The following TGFBR3 variants were observed in gnomAD, a reference collection of about 807,000 sequenced individuals.
TGFBR3 encodes the protein transforming growth factor beta receptor type 3.
A neutral mutation model predicts 87.9 loss-of-function variants in TGFBR3; 46 were observed. The observed-to-expected ratio is 0.52, with a 90% confidence interval of 0.41 to 0.67. The LOEUF is 0.67. TGFBR3 is among the 30% of genes least tolerant of loss of function. The pLI is 0.00. For synonymous variants in TGFBR3, 381 were observed against 391.6 expected (o/e 0.97, Z 0.32); for missense variants, 866 against 1,041.9 (o/e 0.83, Z 2.32).
intron 13 of TGFBR3, among the ~76,000 whole-genome samples, chr1:91,712,007 T>C (rs2100759243): frequency 6.6e-6 from 1 of 152,312 alleles, no homozygotes; most frequent in African/African-American, 2.4e-5. Context: ...AGCGTCTTGA[T>C]TTATCACTCG....
At chr1:91,878,924 T>G (rs189931225) in intron 1 of TGFBR3, among the ~76,000 whole-genome samples, 1 of 152,308 alleles carries the variant, frequency 6.6e-6, no homozygotes, top group East Asian at 1.9e-4. Flanking sequence ...TAAGTAAAGA[T>G]AGAGCTAACA....
intron 13 of TGFBR3, among the ~76,000 whole-genome samples, chr1:91,709,910 C>T (rs2100754125): frequency 6.6e-6 from 1 of 152,118 alleles, no homozygotes; most frequent in Middle Eastern, 3.4e-3. Flanking sequence ...TACAGGTGTG[C>T]ACCACTACAC....
chr1:91,763,329 G>A (rs1295815432), intron 3 of TGFBR3, among the ~76,000 whole-genome samples: 4 of 152,168 alleles, frequency 2.6e-5, no homozygotes, highest in Non-Finnish European at 5.9e-5. Context: ...GTCCAATTTT[G>A]CTAACGTGTC....
At chr1:91,861,078 G>A (rs1189910745) in intron 2 of TGFBR3, among the ~76,000 whole-genome samples, 1 of 151,510 alleles carries the variant, frequency 6.6e-6, no homozygotes, top group African/African-American at 2.4e-5. Context: ...GGACAAAAAT[G>A]CTTTCTTGAA....
intron 14 of TGFBR3, among the ~76,000 whole-genome samples, chr1:91,699,431 C>CTTTTT (rs60223260): frequency 0.012 from 934 of 80,786 alleles, 31 homozygotes; most frequent in Non-Finnish European, 0.013. Context: ...CTTTCTTTTG[C>CTTTTT]TTTTTTTTTT....
At chr1:91,819,103 T>C (rs2492091) in intron 2 of TGFBR3, among the ~76,000 whole-genome samples, 151,234 of 152,200 alleles carry the variant, frequency 0.99, 75,141 homozygotes, top group Middle Eastern at 1. Flanking sequence ...GGTGTGGTGG[T>C]TCATGCCTGT....
chr1:91,848,950 G>C (rs1677613131), intron 2 of TGFBR3, among the ~76,000 whole-genome samples: 1 of 152,164 alleles, frequency 6.6e-6, no homozygotes, highest in African/African-American at 2.4e-5. Context: ...CAGTTCTATA[G>C]ATGTAATTAT....
At chr1:91,766,244 C>T (rs1427384310) in intron 3 of TGFBR3, 2 of 118,990 alleles carry the variant, frequency 1.7e-5, no homozygotes, top group African/African-American at 3.4e-5. Flanking sequence ...GCTATGTTGT[C>T]CAAGCTGATC....
intron 6 of TGFBR3, 126 bp downstream of exon 6, chr1:91,729,679 C>T: frequency 9.2e-7 from 1 of 1,090,376 alleles, no homozygotes; most frequent in African/African-American, 1.5e-5. Context: ...CTGCGTGAAG[C>T]ATCAATGGCT....
At chr1:91,727,106 T>G (rs1416262651) in intron 7 of TGFBR3, among the ~76,000 whole-genome samples, 1 of 152,230 alleles carries the variant, frequency 6.6e-6, no homozygotes, top group East Asian at 1.9e-4. Flanking sequence ...TCGCACTTAC[T>G]GTGATTCTTC....
At chr1:91,773,744 T>C (rs1184563533) in intron 3 of TGFBR3, among the ~76,000 whole-genome samples, 1 of 152,212 alleles carries the variant, frequency 6.6e-6, no homozygotes, top group Non-Finnish European at 1.5e-5. Flanking sequence ...GACTGAATTA[T>C]CAATTTCATA....
chr1:91,727,675 C>A lies in TGFBR3; in HGVS notation c.869G>T (p.Gly290Val). 1 of 1,614,138 alleles carries A rather than the reference C, an allele frequency of 6.2e-7. No homozygotes were observed. Among genetic ancestry groups the A allele is most frequent in the Non-Finnish European group, 8.5e-7 (1 of 1,180,006 alleles). ...CCAACTTACAATAATTTTCAGGCTT[C>A]CCTTAACATCAAAAGATTTGATCAC... is the stretch of plus-strand genomic sequence containing the variant. ...NWVIKSFDVK[G>V]SLKIIAPNSI... Residue 290 changes from glycine (G) to valine (V), a missense_variant, in exon 7 of 17, where the codon GGA becomes GTA. Physicochemically the swap from Gly to Val is moderately radical, Grantham distance 109. Transcript: ENST00000212355.
chr1:91,749,536 T>A lies in TGFBR3; in HGVS notation c.384+9077A>T, dbSNP rs140268122. Among the ~76,000 whole-genome samples, 548 of 152,266 alleles carry A rather than the reference T, an allele frequency of 3.6e-3. 1 individual carries two copies. Among genetic ancestry groups the A allele is most frequent in the Middle Eastern group, 0.017 (5 of 292 alleles). On this transcript the variant is annotated intron_variant, in intron 4 of 16. Coordinates refer to ENST00000212355, the MANE Select transcript of TGFBR3 (RefSeq NM_003243.5). ...AGGGACTCCTTCCTCCCCTGCGAAA[T>A]CAGAAGTAGCTTCCAAGCTAGAGTT...
intron 3 of TGFBR3, among the ~76,000 whole-genome samples, chr1:91,767,961 C>T (rs566582684): frequency 1.2e-3 from 187 of 152,034 alleles, no homozygotes; most frequent in Non-Finnish European, 2.2e-3. Context: ...GCCTGTAATC[C>T]CAGCACTTTG....
At chr1:91,775,523 C>G (rs189381422) in intron 3 of TGFBR3, among the ~76,000 whole-genome samples, 1 of 152,246 alleles carries the variant, frequency 6.6e-6, no homozygotes, top group Non-Finnish European at 1.5e-5. Context: ...CCCTTCCTAA[C>G]CACCCTAACA....
At chr1:91,729,680 A>G in intron 6 of TGFBR3, 125 bp downstream of exon 6, 1 of 1,123,778 alleles carries the variant, frequency 8.9e-7, no homozygotes, top group Non-Finnish European at 1.3e-6. Context: ...TGCGTGAAGC[A>G]TCAATGGCTC....
At chr1:91,774,968 G>C (rs1674518026) in intron 3 of TGFBR3, among the ~76,000 whole-genome samples, 1 of 152,060 alleles carries the variant, frequency 6.6e-6, no homozygotes, top group Non-Finnish European at 1.5e-5. Flanking sequence ...TTGACTTCTA[G>C]TGAGAAAGGA....
intron 3 of TGFBR3, among the ~76,000 whole-genome samples, chr1:91,764,334 A>AAC (rs1674089793): frequency 2.6e-5 from 4 of 151,634 alleles, no homozygotes; most frequent in Non-Finnish European, 5.9e-5. Flanking sequence ...AAAAAAAAAA[A>AAC]AAAAACCTAA....
At chr1:91,813,181 T>C (rs1007146962) in intron 2 of TGFBR3, among the ~76,000 whole-genome samples, 1 of 152,166 alleles carries the variant, frequency 6.6e-6, no homozygotes, top group Non-Finnish European at 1.5e-5. Flanking sequence ...GCTGTAAAAC[T>C]GATACTGTAT....
Sources: allele counts gnomAD v4.1 joint callset (sites outside exome capture counted in the v4.1 genomes callset), GRCh38; gene constraint gnomAD v4.1.1; transcripts MANE v1.5; gene names NCBI Gene and HGNC (gene_info 2026-07-23, HGNC 2026-07-21).